RAI1: variants seen among roughly 807,000 people sequenced by gnomAD.
RAI1 encodes retinoic acid-induced protein 1.
RAI1 carries 9 observed loss-of-function variants against 123.8 expected under a neutral mutation model. That is an observed-to-expected ratio of 0.07 (90% CI 0.04 to 0.13). RAI1 has a LOEUF of 0.13. RAI1 is among the 10% of genes least tolerant of loss of function. RAI1 has a pLI of 1.00. For missense variants in RAI1, 2,256 were observed against 2,545.8 expected (o/e 0.89, Z 2.45); for synonymous variants, 1,231 against 1,127.3 (o/e 1.09, Z -1.84).
At chr17:17,776,021 C>T (rs943935813) in intron 2 of RAI1, among the ~76,000 whole-genome samples, 16 of 152,252 alleles carry the variant, frequency 1.1e-4, no homozygotes, top group African/African-American at 3.6e-4. Flanking sequence ...CTGAGGAGGA[C>T]GCAGCCTGTA....
rs1248488230 is a variant in RAI1, at chr17:17,692,546, C to T, written c.-149+10753C>T. 9.2e-5 allele frequency among the ~76,000 whole-genome samples: 14 copies of T among 152,190 alleles called. 1 individual carries two copies. Among genetic ancestry groups the T allele is most frequent in the Non-Finnish European group, 8.8e-5 (6 of 68,032 alleles). ...GTGGCAGAGCTAGGATTAGAAATCA[C>T]ATCCGCAGGCTCCAAAGCCAGGCCC... On this transcript the variant is annotated intron_variant, in intron 1 of 5. Transcript: ENST00000353383.
intron 1 of RAI1, among the ~76,000 whole-genome samples, chr17:17,722,511 G>C (rs1407581614): frequency 6.6e-6 from 1 of 152,160 alleles, no homozygotes; most frequent in Non-Finnish European, 1.5e-5. Flanking sequence ...CCTTGAGTGC[G>C]CTCCCCTCGG....
intron 2 of RAI1, chr17:17,782,089 A>G (rs2031604740): frequency 1.3e-5 from 2 of 151,710 alleles, no homozygotes; most frequent in African/African-American, 4.8e-5. Context: ...CGGTTCCAAT[A>G]TTTCGCAGAA....
intron 4 of RAI1, among the ~76,000 whole-genome samples, chr17:17,805,744 A>T (rs1273301424): frequency 6.6e-6 from 1 of 152,122 alleles, no homozygotes; most frequent in African/African-American, 2.4e-5. Context: ...GAGGATTCTC[A>T]CTGGCTTCAC....
intron 2 of RAI1, among the ~76,000 whole-genome samples, chr17:17,725,101 T>C (rs1052536921): frequency 6.9e-6 from 1 of 145,688 alleles, no homozygotes; most frequent in East Asian, 2.0e-4. Context: ...GTTAGAGACG[T>C]CGACCTGGGA....
intron 2 of RAI1, among the ~76,000 whole-genome samples, chr17:17,753,080 A>C (rs1340513950): frequency 6.6e-6 from 1 of 152,202 alleles, no homozygotes; most frequent in African/African-American, 2.4e-5. Flanking sequence ...TTGTCTCCAA[A>C]GCCAGGGCAC....
At chr17:17,749,243 T>C (rs1178376979) in intron 2 of RAI1, among the ~76,000 whole-genome samples, 1 of 152,174 alleles carries the variant, frequency 6.6e-6, no homozygotes, top group African/African-American at 2.4e-5. Context: ...TGCCGCCTAA[T>C]AGCTCTCCCG....
At chr17:17,726,817 G>T (rs982016498) in intron 2 of RAI1, among the ~76,000 whole-genome samples, 23 of 151,972 alleles carry the variant, frequency 1.5e-4, no homozygotes, top group Admixed American at 7.9e-4. Context: ...AGTCCTTTTC[G>T]ACTCGGTGGT....
intron 1 of RAI1, chr17:17,682,367 G>A (rs998947681): frequency 6.7e-6 from 1 of 148,714 alleles, no homozygotes; most frequent in African/African-American, 2.5e-5. Flanking sequence ...CGGGGCCTGT[G>A]CGCAGGCCCC....
chr17:17,697,310 G>C (rs1022556236), intron 1 of RAI1, among the ~76,000 whole-genome samples: 20 of 152,226 alleles, frequency 1.3e-4, no homozygotes, highest in African/African-American at 4.8e-4. Context: ...CCTTTCCTCG[G>C]GAATAACAGT....
At chr17:17,724,634 C>T (rs1916017061) in intron 2 of RAI1, among the ~76,000 whole-genome samples, 3 of 152,206 alleles carry the variant, frequency 2.0e-5, no homozygotes, top group African/African-American at 7.2e-5. Context: ...CGAAGCTGGT[C>T]GGACCGGGGA....
At chr17:17,718,977 C>T (rs1051066469) in intron 1 of RAI1, among the ~76,000 whole-genome samples, 5 of 152,194 alleles carry the variant, frequency 3.3e-5, no homozygotes, top group Admixed American at 1.3e-4. Flanking sequence ...CCGTATCCAT[C>T]CTTCTTGCAA....
chr17:17,809,145 G>T lies in RAI1; in HGVS notation c.5660-245G>T. 1.7e-6 allele frequency: 1 copy of T among 590,622 alleles called. No homozygotes were observed. Among genetic ancestry groups the T allele is most frequent in the East Asian group, 3.0e-5 (1 of 33,470 alleles). The allele number at this position is 590,622 out of a possible 1,614,324, so 36.6% of individuals were successfully genotyped here. A position where few individuals can be genotyped will look rare whatever the true frequency, so the allele number is the denominator to read the frequency against. On this transcript the variant is annotated intron_variant, in intron 4 of 5. Coordinates refer to ENST00000353383, the MANE Select transcript of RAI1 (RefSeq NM_030665.4). This position sits in a 1 kb window ranked among gnomAD's most constrained non-coding sequence, Gnocchi z 4.9. ...GAGGAGGGGCGGCACGTGGAACTCA[G>T]GGGGAAAAGCTCTCCGCGGAGGAGG...
At chr17:17,758,031 C>T (rs1373494260) in intron 2 of RAI1, among the ~76,000 whole-genome samples, 1 of 152,244 alleles carries the variant, frequency 6.6e-6, no homozygotes, top group East Asian at 1.9e-4. Context: ...CTCATCTCTC[C>T]CTTTCCAGAG....
At chr17:17,769,987 C>T (rs777002147) in intron 2 of RAI1, among the ~76,000 whole-genome samples, 2 of 152,028 alleles carry the variant, frequency 1.3e-5, no homozygotes, top group Non-Finnish European at 2.9e-5. Context: ...GACGGCAGGG[C>T]GGGTGAGCGG....
Position 17,685,708 on chromosome 17 carries a change from C to T in RAI1, c.-149+3915C>T, listed in dbSNP as rs957836184. Among the ~76,000 whole-genome samples the T allele has an allele frequency of 5.9e-5, 9 of 152,202 alleles. No individual in the cohort carries two copies. The highest frequency in any genetic ancestry group is 1.3e-4 in the Non-Finnish European group (9 of 68,030). On this transcript the variant is annotated intron_variant, in intron 1 of 5. Coordinates refer to ENST00000353383, the MANE Select transcript of RAI1 (RefSeq NM_030665.4). The surrounding 1 kb of genome is among the most constrained non-coding windows in gnomAD (Gnocchi z 4.0). ...CGATCGTTCTAAACCCAGCAGATAA[C>T]CTCCAGTGGCTCCTGCTGCCTTATG...
chr17:17,783,778 G>GGGGGGC lies in RAI1; in HGVS notation c.-16-9146_-16-9141dup, dbSNP rs956586270. Among the ~76,000 whole-genome samples, 629 of 151,328 alleles carry GGGGGGC rather than the reference G, an allele frequency of 4.2e-3. 6 individuals carry two copies. The highest frequency in any genetic ancestry group is 0.015 in the African/African-American group (599 of 41,264). ...CTCGATGGGGTGCTGAGGTGTAGGC[G>GGGGGGC]GGGGGCGGGGGCGGAAAGGGTTAAT... On this transcript the variant is annotated intron_variant, in intron 2 of 5. Transcript: ENST00000353383.
intron 2 of RAI1, among the ~76,000 whole-genome samples, chr17:17,788,099 T>A (rs1237980074): frequency 6.6e-6 from 1 of 151,926 alleles, no homozygotes; most frequent in African/African-American, 2.4e-5. Context: ...ATAGAGAGGG[T>A]ATGTTGGTCA....
At chr17:17,702,589 C>A (rs60445027) in intron 1 of RAI1, among the ~76,000 whole-genome samples, 1 of 152,142 alleles carries the variant, frequency 6.6e-6, no homozygotes, top group Non-Finnish European at 1.5e-5. Flanking sequence ...GCATCACAGC[C>A]GGGTAGACAG....
Sources: allele counts gnomAD v4.1 joint callset (sites outside exome capture counted in the v4.1 genomes callset), GRCh38; gene constraint gnomAD v4.1.1; non-coding constraint Gnocchi (gnomAD v3.1); transcripts MANE v1.5; gene names NCBI Gene and HGNC (gene_info 2026-07-23, HGNC 2026-07-21).